CTNNBL1: variants seen among roughly 807,000 people sequenced by gnomAD.
CTNNBL1 encodes catenin beta like 1, also known as beta-catenin-like protein 1.
A neutral mutation model predicts 72.7 loss-of-function variants in CTNNBL1; 31 were observed. The observed-to-expected ratio is 0.43, with a 90% confidence interval of 0.32 to 0.58. The LOEUF (loss-of-function observed/expected upper bound fraction) is 0.58. CTNNBL1 is among the 20% of genes least tolerant of loss of function. CTNNBL1 has a pLI of 0.08. For synonymous variants in CTNNBL1, 240 were observed against 267.3 expected, an observed-to-expected ratio of 0.90 and a Z score of 1.00; for missense variants, 534 against 725.1, an observed-to-expected ratio of 0.74 and a Z score of 3.03.
chr20:37,786,492 A>G (rs940712776), intron 10 of CTNNBL1, among the ~76,000 whole-genome samples: 1 of 152,106 alleles, frequency 6.6e-6, no homozygotes, highest in African/African-American at 2.4e-5. Context: ...TTTGGAGGGC[A>G]TCTTTTTTTA....
chr20:37,699,512 C>G (rs955000713), intron 1 of CTNNBL1, among the ~76,000 whole-genome samples: 1 of 152,234 alleles, frequency 6.6e-6, no homozygotes, highest in Non-Finnish European at 1.5e-5. Context: ...GCTGAACACT[C>G]AGAGGTAGTT....
In CTNNBL1 at chr20:37,765,271, T is replaced by G; in HGVS notation, c.639T>G (p.Asp213Glu). ...ATGAGTCTGTGAAAGAGGAGGCAGA[T>G]GGCGTCCACAACACTCTGGGTGAGA... ...RLDESVKEEADGVHNTLAIVE... is the reference protein window; with the variant it reads ...RLDESVKEEAEGVHNTLAIVE... Residue 213 changes from aspartate to glutamate, a missense_variant, in exon 6 of 16, where the codon GAT (aspartate) becomes GAG (glutamate). By Grantham distance (45) the Asp-to-Glu change is conservative. Coordinates refer to ENST00000361383, the MANE Select transcript of CTNNBL1 (RefSeq NM_030877.5). 6.4e-7 allele frequency: 1 copy of G among 1,551,006 alleles called. No homozygotes were observed. Among genetic ancestry groups the G allele is most frequent in the Non-Finnish European group, 8.7e-7 (1 of 1,146,346 alleles).
At chr20:37,719,994 G>T (rs2073026170) in intron 1 of CTNNBL1, among the ~76,000 whole-genome samples, 1 of 149,600 alleles carries the variant, frequency 6.7e-6, no homozygotes, top group South Asian at 2.1e-4. Flanking sequence ...GCATGTGCGT[G>T]TATCACTGCG....
intron 11 of CTNNBL1, among the ~76,000 whole-genome samples, chr20:37,816,422 G>A (rs1041377959): frequency 6.6e-6 from 1 of 152,116 alleles, no homozygotes; most frequent in Non-Finnish European, 1.5e-5. Flanking sequence ...CAGAAGACTT[G>A]GGTTTGTGTT....
intron 1 of CTNNBL1, among the ~76,000 whole-genome samples, chr20:37,701,979 G>A (rs144996202): frequency 4.7e-4 from 72 of 152,166 alleles, no homozygotes; most frequent in African/African-American, 1.7e-3. Context: ...GTACGCACGT[G>A]GAATGAATCA....
chr20:37,811,825 GGCTTTACAGGT>G (rs2072014068), intron 11 of CTNNBL1, among the ~76,000 whole-genome samples: 1 of 152,190 alleles, frequency 6.6e-6, no homozygotes, highest in African/African-American at 2.4e-5. Context: ...TAAGCCTCAG[GGCTTTACAGGT>G]GCACATAAAG....
chr20:37,814,726 A>G (rs2072039794), intron 11 of CTNNBL1, among the ~76,000 whole-genome samples: 1 of 152,140 alleles, frequency 6.6e-6, no homozygotes, highest in African/African-American at 2.4e-5. Context: ...CTATAAAAAG[A>G]CAATAATGAA....
chr20:37,738,814 A>G (rs931994161), intron 3 of CTNNBL1, among the ~76,000 whole-genome samples: 9 of 152,218 alleles, frequency 5.9e-5, no homozygotes, highest in Non-Finnish European at 1.0e-4. Flanking sequence ...ACAGGAAGGC[A>G]TGCCAGGCAA....
intron 7 of CTNNBL1, 60 bp downstream of exon 7, chr20:37,768,104 G>A (rs1171944643): frequency 2.1e-6 from 3 of 1,399,260 alleles, no homozygotes; most frequent in Non-Finnish European, 2.0e-6. Flanking sequence ...CTTGATTGAT[G>A]CTGGGTTATT....
chr20:37,837,285 G>A (rs915550743), intron 11 of CTNNBL1, among the ~76,000 whole-genome samples: 2 of 152,006 alleles, frequency 1.3e-5, no homozygotes, highest in Non-Finnish European at 2.9e-5. Context: ...GGCAGGGCCC[G>A]TTCTCTCCAC....
At chr20:37,733,187 A>C in intron 2 of CTNNBL1, 120 bp downstream of exon 2, 1 of 840,448 alleles carries the variant, frequency 1.2e-6, no homozygotes, top group African/African-American at 1.7e-5. Context: ...TTAAGAATTC[A>C]TATTTCATCG....
intron 10 of CTNNBL1, among the ~76,000 whole-genome samples, chr20:37,798,379 C>A (rs1047065837): frequency 7.2e-5 from 11 of 152,306 alleles, no homozygotes; most frequent in Non-Finnish European, 5.9e-5. Context: ...TCCCACAACC[C>A]CCCAGTTTTA....
chr20:37,747,754 T>A (rs1214045665), intron 4 of CTNNBL1, among the ~76,000 whole-genome samples: 2 of 152,066 alleles, frequency 1.3e-5, no homozygotes, highest in African/African-American at 4.8e-5. Context: ...TTTTTTTTAT[T>A]TAATTTTTTG....
At chr20:37,777,251 C>T (rs1441727936) in intron 7 of CTNNBL1, 94 bp from the exon 8 acceptor site, 1 of 969,180 alleles carries the variant, frequency 1.0e-6, no homozygotes, top group Non-Finnish European at 1.7e-6. Flanking sequence ...TTCTGCTTCT[C>T]TCTAACTCAG....
intron 7 of CTNNBL1, 145 bp from the exon 8 acceptor site, chr20:37,777,200 G>GGCAGACGCTCT (rs1433664894): frequency 3.2e-6 from 2 of 624,958 alleles, no homozygotes; most frequent in African/African-American, 3.7e-5. Flanking sequence ...TGAGAGCAGA[G>GGCAGACGCTCT]GCAGACGTTT....
chr20:37,715,967 A>C (rs1437046061), intron 1 of CTNNBL1, among the ~76,000 whole-genome samples: 1 of 151,806 alleles, frequency 6.6e-6, no homozygotes, highest in Non-Finnish European at 1.5e-5. Flanking sequence ...CTATAGTAAT[A>C]TGTAGTATTG....
chr20:37,859,894 TC>T lies in CTNNBL1; in HGVS notation c.1393-4del. The T allele has an allele frequency of 6.2e-7, 1 of 1,613,898 alleles. No homozygotes were observed. The highest frequency in any genetic ancestry group is 8.5e-7 in the Non-Finnish European group (1 of 1,179,896). ...TTTTATTCCTAAACGTTCATTTGTT[TC>T]TAGGACATGGTCCGGCGAGGAGAGA... is the stretch of plus-strand genomic sequence containing the variant. On this transcript the variant is annotated splice_region_variant and splice_polypyrimidine_tract_variant and intron_variant, in intron 13 of 15. Transcript: ENST00000361383.
chr20:37,731,491 T>C lies in CTNNBL1; in HGVS notation c.31-1388T>C, dbSNP rs6122931. On this transcript the variant is annotated intron_variant, in intron 1 of 15. Coordinates refer to ENST00000361383, the MANE Select transcript of CTNNBL1 (RefSeq NM_030877.5). ...CTCAGGTGATCTGCCCGCCTCAGCC[T>C]CCCAAAGTGCTGGGATTACAGGTGT... Among the ~76,000 whole-genome samples the C allele has an allele frequency of 2.8e-3, 429 of 152,282 alleles. 5 individuals carry two copies. Among genetic ancestry groups the C allele is most frequent in the East Asian group, 0.017 (89 of 5,180 alleles).
At chr20:37,758,752 T>C (rs757923009) in intron 5 of CTNNBL1, among the ~76,000 whole-genome samples, 77 of 152,228 alleles carry the variant, frequency 5.1e-4, no homozygotes, top group Non-Finnish European at 6.0e-4. Context: ...AGAATGTTAG[T>C]ATTGGTTTTG....
Sources: gnomAD v4.1 joint callset for allele counts (sites outside exome capture counted in the v4.1 genomes callset) on GRCh38, gnomAD v4.1.1 for gene constraint, MANE v1.5 for transcripts, NCBI Gene and HGNC (gene_info 2026-07-23, HGNC 2026-07-21) for gene names.